GAS7: variants seen among roughly 807,000 people sequenced by gnomAD.
GAS7 encodes the protein growth arrest-specific protein 7.
GAS7 carries 28 observed loss-of-function variants against 71.1 expected under a neutral mutation model. That is an observed-to-expected ratio of 0.39 (90% CI 0.29 to 0.54). The LOEUF is 0.54. Among genes scored for constraint, GAS7 ranks in the 20% least tolerant of loss-of-function variants. The probability of loss-of-function intolerance (pLI) is 0.62; values close to 1 mark genes in which losing one functional copy is unlikely to be tolerated. For synonymous variants in GAS7, 258 were observed against 245.8 expected, an observed-to-expected ratio of 1.05 and a Z score of -0.46; for missense variants, 436 against 627.8, an observed-to-expected ratio of 0.69 and a Z score of 3.27.
At chr17:10,172,202 T>A (rs942621703) in intron 1 of GAS7, among the ~76,000 whole-genome samples, 2 of 152,136 alleles carry the variant, frequency 1.3e-5, no homozygotes, top group Admixed American at 6.6e-5. Context: ...GTAAAAGAAG[T>A]CTCTAAATCT....
chr17:10,043,803 G>A (rs948358929), intron 1 of GAS7, among the ~76,000 whole-genome samples: 5 of 152,132 alleles, frequency 3.3e-5, no homozygotes, highest in African/African-American at 1.2e-4. Context: ...CTGGCATGGT[G>A]CATGCCTGTA....
At position 9,926,633 on chromosome 17, in the gene GAS7, C is replaced by A; in HGVS notation, c.1014+8G>T. ...ACCTGCCCTGGCCCAGCGTCCTGGGCCTCTCACCTTCTCCACCGAGGCATA... is the reference window on the plus strand; with the variant it reads ...ACCTGCCCTGGCCCAGCGTCCTGGGACTCTCACCTTCTCCACCGAGGCATA... On this transcript the variant is annotated splice_region_variant and intron_variant, in intron 10 of 13. Transcript: ENST00000432992. The surrounding 1 kb of genome is among the most constrained non-coding windows in gnomAD (Gnocchi z 5.0). 6.2e-7 allele frequency: 1 copy of A among 1,612,864 alleles called. No individual in the cohort carries two copies. The highest frequency in any genetic ancestry group is 1.1e-5 in the South Asian group (1 of 91,088).
intron 1 of GAS7, among the ~76,000 whole-genome samples, chr17:10,099,590 G>C (rs560248719): frequency 2.7e-4 from 41 of 152,250 alleles, no homozygotes; most frequent in African/African-American, 9.4e-4. Context: ...CGGGGGAGTG[G>C]AGACATTCCA....
At chr17:10,176,961 C>T (rs151274772) in intron 1 of GAS7, among the ~76,000 whole-genome samples, 4 of 152,214 alleles carry the variant, frequency 2.6e-5, no homozygotes, top group African/African-American at 7.2e-5. Flanking sequence ...TCATCAAATA[C>T]TTACTGAGCC....
intron 1 of GAS7, among the ~76,000 whole-genome samples, chr17:10,124,525 C>T (rs1356618515): frequency 6.6e-6 from 1 of 152,362 alleles, no homozygotes; most frequent in East Asian, 1.9e-4. Context: ...GGCTACAGAT[C>T]TCATGATTTG....
chr17:10,120,540 C>T (rs1247355518), intron 1 of GAS7, among the ~76,000 whole-genome samples: 3 of 152,092 alleles, frequency 2.0e-5, no homozygotes, highest in Non-Finnish European at 4.4e-5. Flanking sequence ...GCGAAAACCC[C>T]GTCTCTACTA....
At chr17:10,100,274 G>C (rs897122205) in intron 1 of GAS7, among the ~76,000 whole-genome samples, 1 of 152,144 alleles carries the variant, frequency 6.6e-6, no homozygotes, top group Non-Finnish European at 1.5e-5. Flanking sequence ...CATGTTGCCG[G>C]ACACTCAAAG....
At chr17:10,138,579 A>ATGGTGAAACCCCG (rs2074057753) in intron 1 of GAS7, among the ~76,000 whole-genome samples, 1 of 152,052 alleles carries the variant, frequency 6.6e-6, no homozygotes, top group African/African-American at 2.4e-5. Context: ...CCTGACCAAC[A>ATGGTGAAACCCCG]TGGTGAAACC....
chr17:10,099,346 G>A (rs80001149), intron 1 of GAS7, among the ~76,000 whole-genome samples: 4,721 of 152,162 alleles, frequency 0.031, 224 homozygotes, highest in African/African-American at 0.11. Flanking sequence ...TACCACAGAC[G>A]CCGAAAGAGG....
rs754711440 is a variant in GAS7 at position 10,126,436 on chromosome 17, GCA to G, written c.183+71770_183+71771del. 5.4e-4 allele frequency among the ~76,000 whole-genome samples: 79 copies of G among 147,594 alleles called. 1 individual carries two copies. The highest frequency in any genetic ancestry group is 4.0e-3 in the East Asian group (20 of 4,962). The stretch of plus-strand genomic sequence containing the variant: ...AACACGCACACACAAACACGCAGAT[GCA>G]CACACGCGCGCGCGCACACGCACTC... On this transcript the variant is annotated intron_variant, in intron 1 of 13. Transcript: ENST00000432992.
At chr17:10,113,428 G>C (rs2073832459) in intron 1 of GAS7, among the ~76,000 whole-genome samples, 1 of 152,212 alleles carries the variant, frequency 6.6e-6, no homozygotes, top group South Asian at 2.1e-4. Context: ...AGAAAGATTA[G>C]AAGCAACCTT....
intron 2 of GAS7, among the ~76,000 whole-genome samples, chr17:9,993,624 C>G (rs1192242209): frequency 6.6e-6 from 1 of 151,558 alleles, no homozygotes; most frequent in African/African-American, 2.4e-5. Context: ...TGGCACAAGA[C>G]AGGGATGCCC....
intron 1 of GAS7, among the ~76,000 whole-genome samples, chr17:10,135,954 G>A (rs2074034527): frequency 6.6e-6 from 1 of 152,156 alleles, no homozygotes; most frequent in Non-Finnish European, 1.5e-5. Context: ...CAGATGTGGG[G>A]AGACAGTTTA....
At chr17:10,106,615 C>T (rs1385717482) in intron 1 of GAS7, among the ~76,000 whole-genome samples, 2 of 152,240 alleles carry the variant, frequency 1.3e-5, no homozygotes, top group South Asian at 2.1e-4. Flanking sequence ...TCTTCATCCT[C>T]GCTCCCACCC....
chr17:10,153,655 A>G (rs1036989364), intron 1 of GAS7, among the ~76,000 whole-genome samples: 1 of 152,238 alleles, frequency 6.6e-6, no homozygotes, highest in African/African-American at 2.4e-5. Flanking sequence ...AATTATTTAC[A>G]TGTATTAAAT....
chr17:10,041,174 A>AAAAAAAAAAAAG (rs1555528019), intron 1 of GAS7, among the ~76,000 whole-genome samples: 3 of 151,044 alleles, frequency 2.0e-5, no homozygotes, highest in African/African-American at 7.4e-5. Flanking sequence ...AAAAAAAAAA[A>AAAAAAAAAAAAG]AAGAAGAAGG....
chr17:10,067,576 C>T (rs73273805), intron 1 of GAS7, among the ~76,000 whole-genome samples: 2,406 of 152,180 alleles, frequency 0.016, 56 homozygotes, highest in African/African-American at 0.055. Context: ...AGCCCTATAC[C>T]CCCACCCCCT....
At chr17:10,134,334 C>T (rs2074022380) in intron 1 of GAS7, among the ~76,000 whole-genome samples, 1 of 152,148 alleles carries the variant, frequency 6.6e-6, no homozygotes, top group Admixed American at 6.5e-5. Context: ...TCTTTATCCA[C>T]TCATTCATTG....
intron 2 of GAS7, among the ~76,000 whole-genome samples, chr17:9,992,231 G>A (rs1405535683): frequency 6.6e-6 from 1 of 152,154 alleles, no homozygotes; most frequent in Non-Finnish European, 1.5e-5. Flanking sequence ...GTACATGGTA[G>A]CAATGTAGAG....
Sources: gnomAD v4.1 joint callset for allele counts (sites outside exome capture counted in the v4.1 genomes callset) on GRCh38, gnomAD v4.1.1 for gene constraint, Gnocchi (gnomAD v3.1) non-coding constraint, MANE v1.5 for transcripts, NCBI Gene and HGNC (gene_info 2026-07-23, HGNC 2026-07-21) for gene names.